TIAM2: variants seen among roughly 807,000 people sequenced by gnomAD.
TIAM2 encodes the protein rho guanine nucleotide exchange factor TIAM2.
TIAM2 carries 80 observed loss-of-function variants against 152.9 expected under a neutral mutation model. The ratio of observed to expected loss-of-function variants is 0.52; its 90% CI spans 0.44 to 0.63. The LOEUF (loss-of-function observed/expected upper bound fraction) is 0.63, where lower values mean the gene tolerates loss of function less well. Among genes scored for constraint, TIAM2 ranks in the 30% least tolerant of loss-of-function variants. The pLI is 0.00. For synonymous variants in TIAM2, 804 were observed against 838.0 expected, an observed-to-expected ratio of 0.96 and a Z score of 0.70; for missense variants, 1,965 against 2,120.1, an observed-to-expected ratio of 0.93 and a Z score of 1.44.
chr6:155,077,187 T>A (rs538554317), intron 1 of TIAM2, among the ~76,000 whole-genome samples: 39 of 152,134 alleles, frequency 2.6e-4, no homozygotes, highest in African/African-American at 8.9e-4. Context: ...GTAATTTTTT[T>A]TTTTTTTTTA....
intron 2 of TIAM2, among the ~76,000 whole-genome samples, chr6:155,119,101 C>G (rs1779090350): frequency 6.6e-6 from 1 of 151,582 alleles, no homozygotes; most frequent in South Asian, 2.1e-4. Context: ...GTGGCGCGAT[C>G]TCGGCTCACT....
At chr6:155,003,852 C>T (rs970187946) in intron 1 of TIAM2, among the ~76,000 whole-genome samples, 1 of 152,228 alleles carries the variant, frequency 6.6e-6, no homozygotes, top group South Asian at 2.1e-4. Context: ...GTAGTGGCAG[C>T]TGCCTGTACT....
intron 1 of TIAM2, among the ~76,000 whole-genome samples, chr6:155,017,874 C>T (rs558594271): frequency 3.9e-5 from 6 of 152,220 alleles, no homozygotes; most frequent in Admixed American, 1.3e-4. Context: ...CTCTGAAAGA[C>T]CCATGTCTCC....
In TIAM2 at chr6:155,257,268, T is replaced by TTTAAG. The variant is rs1293987170; in HGVS notation, c.*151_*155dup. The TTTAAG allele has an allele frequency of 8.0e-6, 7 of 878,584 alleles. No homozygotes were observed. Among genetic ancestry groups the TTTAAG allele is most frequent in the South Asian group, 3.7e-5 (2 of 54,624 alleles). 54.4% of individuals were successfully genotyped at this position (878,584 alleles called of 1,614,324 possible). ...TTTTCCCACAAAATGGTTGTAAAGA[T>TTTAAG]TTAAGTTATTTTAATTTATTGTGGA... is the stretch of plus-strand genomic sequence containing the variant. On this transcript the variant is annotated 3_prime_UTR_variant, in exon 27 of 27. Transcript: ENST00000682666.
intron 1 of TIAM2, among the ~76,000 whole-genome samples, chr6:155,080,167 CTG>C (rs1021312471): frequency 5.3e-5 from 8 of 152,020 alleles, no homozygotes; most frequent in Admixed American, 4.6e-4. Context: ...CGCCCCGTGG[CTG>C]TCAGCTTTAT....
At chr6:155,241,016 A>G (rs1224456288) in intron 16 of TIAM2, among the ~76,000 whole-genome samples, 1 of 152,238 alleles carries the variant, frequency 6.6e-6, no homozygotes, top group African/African-American at 2.4e-5. Flanking sequence ...CTGGTTTAGT[A>G]TAAGGGGAGA....
intron 7 of TIAM2, among the ~76,000 whole-genome samples, chr6:155,151,341 G>A (rs1189905049): frequency 2.0e-5 from 3 of 152,224 alleles, no homozygotes; most frequent in Non-Finnish European, 4.4e-5. Context: ...AATGCAGTTG[G>A]TCTAAACAGA....
At chr6:155,098,264 G>A (rs563564728) in intron 2 of TIAM2, among the ~76,000 whole-genome samples, 28 of 152,146 alleles carry the variant, frequency 1.8e-4, no homozygotes, top group South Asian at 4.1e-4. Flanking sequence ...ATTGCTTTGC[G>A]TAGTATTGCC....
chr6:155,246,740 G>C (rs553903926), intron 19 of TIAM2, among the ~76,000 whole-genome samples: 1 of 152,278 alleles, frequency 6.6e-6, no homozygotes, highest in African/African-American at 2.4e-5. Context: ...CATACCAATG[G>C]CTTGCTCCAT....
At chr6:155,188,788 T>C (rs1781116610) in intron 14 of TIAM2, among the ~76,000 whole-genome samples, 1 of 152,246 alleles carries the variant, frequency 6.6e-6, no homozygotes, top group African/African-American at 2.4e-5. Context: ...ATGTAAACAC[T>C]GAACTTGTCG....
chr6:155,224,238 C>T (rs779969670), intron 15 of TIAM2, among the ~76,000 whole-genome samples: 6 of 152,190 alleles, frequency 3.9e-5, no homozygotes, highest in South Asian at 2.1e-4. Context: ...GATAAAGTTC[C>T]GGCTCCACAG....
chr6:155,225,950 T>G (rs1782225410), intron 15 of TIAM2, among the ~76,000 whole-genome samples: 1 of 152,230 alleles, frequency 6.6e-6, no homozygotes, highest in Non-Finnish European at 1.5e-5. Context: ...AAGTAGCCCT[T>G]GGCAGTACCC....
chr6:155,046,740 C>T (rs1169750307), intron 1 of TIAM2, among the ~76,000 whole-genome samples: 1 of 152,096 alleles, frequency 6.6e-6, no homozygotes, highest in Non-Finnish European at 1.5e-5. Flanking sequence ...CTGGGAACTC[C>T]CTCCTGATCC....
intron 10 of TIAM2, among the ~76,000 whole-genome samples, chr6:155,177,453 G>A (rs192348111): frequency 6.6e-6 from 1 of 152,294 alleles, no homozygotes; most frequent in East Asian, 1.9e-4. Flanking sequence ...TTCAAACTGG[G>A]TTTCATTCCT....
chr6:155,137,946 C>G (rs934884110), intron 5 of TIAM2, among the ~76,000 whole-genome samples: 1 of 152,150 alleles, frequency 6.6e-6, no homozygotes, highest in Non-Finnish European at 1.5e-5. Context: ...AAGCAATTCT[C>G]GTGCCTCAGC....
At chr6:155,085,569 A>T (rs1778156344) in intron 1 of TIAM2, among the ~76,000 whole-genome samples, 1 of 152,298 alleles carries the variant, frequency 6.6e-6, no homozygotes, top group South Asian at 2.1e-4. Context: ...CCATTAAAAA[A>T]AAAAACAACT....
intron 9 of TIAM2, among the ~76,000 whole-genome samples, chr6:155,170,193 T>C (rs1780548990): frequency 6.6e-6 from 1 of 152,242 alleles, no homozygotes; most frequent in Non-Finnish European, 1.5e-5. Flanking sequence ...CCAGGAAAGC[T>C]TGTAATCGAT....
intron 15 of TIAM2, among the ~76,000 whole-genome samples, chr6:155,230,490 A>G (rs1489196818): frequency 2.0e-5 from 3 of 152,186 alleles, no homozygotes; most frequent in African/African-American, 7.2e-5. Flanking sequence ...GGCACTGGTC[A>G]CCTTTGAATG....
chr6:155,020,931 C>G (rs1776466344), intron 1 of TIAM2, among the ~76,000 whole-genome samples: 1 of 152,174 alleles, frequency 6.6e-6, no homozygotes, highest in African/African-American at 2.4e-5. Flanking sequence ...CTTCCTGTCT[C>G]TATGAATTTG....
Sources: gnomAD v4.1 joint callset for allele counts (sites outside exome capture counted in the v4.1 genomes callset) on GRCh38, gnomAD v4.1.1 for gene constraint, MANE v1.5 for transcripts, NCBI Gene and HGNC (gene_info 2026-07-23, HGNC 2026-07-21) for gene names.